ULK4: variants seen among roughly 807,000 people sequenced by gnomAD.
ULK4 encodes inactive serine/threonine-protein kinase ULK4.
ULK4 carries 133 observed loss-of-function variants against 160.6 expected under a neutral mutation model. The observed-to-expected ratio is 0.83, with a 90% CI of 0.72 to 0.96. ULK4 has a LOEUF of 0.96. Ranked by LOEUF, ULK4 falls within the 40% of genes least tolerant of loss-of-function variation. The probability of loss-of-function intolerance (pLI) is 0.00; values close to 1 mark genes in which losing one functional copy is unlikely to be tolerated. For missense variants in ULK4, 1,580 were observed against 1,499.5 expected, an observed-to-expected ratio of 1.05 and a Z score of -0.89; for synonymous variants, 534 against 539.8, an observed-to-expected ratio of 0.99 and a Z score of 0.15.
intron 35 of ULK4, among the ~76,000 whole-genome samples, chr3:41,385,581 G>A (rs575303367): frequency 7.9e-5 from 12 of 152,282 alleles, no homozygotes; most frequent in African/African-American, 2.9e-4. Flanking sequence ...ACAGCCACAT[G>A]TGCAAACAGA....
chr3:41,439,654 A>T (rs2083118363), intron 34 of ULK4, among the ~76,000 whole-genome samples: 1 of 152,220 alleles, frequency 6.6e-6, no homozygotes, highest in Non-Finnish European at 1.5e-5. Context: ...TCTTGAAATC[A>T]GAGTATTAGC....
chr3:41,945,570 C>A (rs1700087987), intron 2 of ULK4, among the ~76,000 whole-genome samples: 1 of 152,192 alleles, frequency 6.6e-6, no homozygotes, highest in Non-Finnish European at 1.5e-5. Flanking sequence ...CCTCAGTCCT[C>A]TTCTATCTTC....
At chr3:41,562,927 C>T (rs1055532541) in intron 32 of ULK4, among the ~76,000 whole-genome samples, 7 of 152,108 alleles carry the variant, frequency 4.6e-5, no homozygotes, top group Non-Finnish European at 7.3e-5. Context: ...TTATTTTGCT[C>T]GTTAATTGAT....
chr3:41,429,425 TTC>T (rs1283994240), intron 34 of ULK4, among the ~76,000 whole-genome samples: 1 of 152,192 alleles, frequency 6.6e-6, no homozygotes, highest in Non-Finnish European at 1.5e-5. Flanking sequence ...ATATAAATCA[TTC>T]TGTTACAAAG....
intron 32 of ULK4, among the ~76,000 whole-genome samples, chr3:41,519,975 G>A (rs1368680147): frequency 6.6e-6 from 1 of 152,110 alleles, no homozygotes; most frequent in Non-Finnish European, 1.5e-5. Flanking sequence ...TCTCTGCAAG[G>A]CTACCTCTCA....
At chr3:41,932,143 ATT>A in intron 4 of ULK4, 137 bp from the exon 5 acceptor site, 1 of 725,340 alleles carries the variant, frequency 1.4e-6, no homozygotes, top group Non-Finnish European at 2.0e-6. Flanking sequence ...AATGCTTATA[ATT>A]TTTTTAAAAG....
At chr3:41,452,499 A>G (rs192429848) in intron 34 of ULK4, among the ~76,000 whole-genome samples, 127 of 152,296 alleles carry the variant, frequency 8.3e-4, no homozygotes, top group Non-Finnish European at 1.6e-3. Context: ...AAGGAGTGTA[A>G]GCAAACCCAG....
intron 18 of ULK4, among the ~76,000 whole-genome samples, chr3:41,826,782 T>A (rs985451696): frequency 6.8e-6 from 1 of 147,562 alleles, no homozygotes; most frequent in African/African-American, 2.6e-5. Context: ...TATCCAGGAA[T>A]TGAACACAGC....
At chr3:41,753,894 C>T (rs1376745574) in intron 22 of ULK4, among the ~76,000 whole-genome samples, 2 of 152,088 alleles carry the variant, frequency 1.3e-5, no homozygotes, top group Non-Finnish European at 2.9e-5. Flanking sequence ...ACAACAATGG[C>T]AGAGGGTAAA....
intron 30 of ULK4, among the ~76,000 whole-genome samples, chr3:41,655,969 G>A (rs1239335261): frequency 6.6e-6 from 1 of 152,200 alleles, no homozygotes; most frequent in East Asian, 1.9e-4. Context: ...AAGCTATCTT[G>A]TGACTGGGGT....
At chr3:41,388,330 T>TTCAC (rs1434954194) in intron 35 of ULK4, among the ~76,000 whole-genome samples, 1 of 152,042 alleles carries the variant, frequency 6.6e-6, no homozygotes, top group Non-Finnish European at 1.5e-5. Context: ...AGGTTGCCTG[T>TTCAC]TCACTCTGAT....
At chr3:41,428,090 T>C (rs755219321) in intron 34 of ULK4, among the ~76,000 whole-genome samples, 1 of 152,104 alleles carries the variant, frequency 6.6e-6, no homozygotes, top group Non-Finnish European at 1.5e-5. Context: ...CAAAAGTCAA[T>C]ATGCAAAAAT....
intron 22 of ULK4, among the ~76,000 whole-genome samples, chr3:41,720,876 G>GTAT (rs1248278634): frequency 2.6e-5 from 4 of 152,014 alleles, no homozygotes; most frequent in African/African-American, 9.7e-5. Flanking sequence ...TAGGAACAAA[G>GTAT]TATTCAATAG....
chr3:41,581,415 T>C (rs1450229447), intron 31 of ULK4, among the ~76,000 whole-genome samples: 16 of 152,220 alleles, frequency 1.1e-4, no homozygotes, highest in Admixed American at 9.2e-4. Context: ...CTTGTATACA[T>C]TTAAAACACA....
chr3:41,656,372 C>T (rs2034936894), intron 30 of ULK4, among the ~76,000 whole-genome samples: 1 of 152,106 alleles, frequency 6.6e-6, no homozygotes, highest in Non-Finnish European at 1.5e-5. Flanking sequence ...CATACAGCTA[C>T]TTGGGTTAAA....
At chr3:41,626,827 A>G (rs535567456) in intron 30 of ULK4, among the ~76,000 whole-genome samples, 3 of 152,238 alleles carry the variant, frequency 2.0e-5, no homozygotes, top group Non-Finnish European at 4.4e-5. Context: ...TGCCTGGCCA[A>G]AAGTACACTT....
intron 34 of ULK4, among the ~76,000 whole-genome samples, chr3:41,450,167 C>T (rs1445142601): frequency 6.6e-6 from 1 of 151,966 alleles, no homozygotes; most frequent in African/African-American, 2.4e-5. Context: ...ACTTTGGCTT[C>T]TCATTTTCTT....
In ULK4 at chr3:41,708,380, A is replaced by G. The variant is rs1221755841; in HGVS notation, c.2635-3075T>C. Among the ~76,000 whole-genome samples the G allele has an allele frequency of 2.6e-5, 4 of 152,214 alleles. No individual in the cohort carries two copies. In the East Asian group the frequency reaches 5.8e-4, roughly 22 times the overall value. ...AGGAAATCCTGTCATTTGTGGCAAC[A>G]TGGATAAACCTAGAGAACATTATGT... On this transcript the variant is annotated intron_variant, in intron 25 of 36. Coordinates refer to ENST00000301831, the MANE Select transcript of ULK4 (RefSeq NM_017886.4).
At chr3:41,306,132 G>C (rs1356636422) in intron 35 of ULK4, among the ~76,000 whole-genome samples, 1 of 107,582 alleles carries the variant, frequency 9.3e-6, no homozygotes, top group Non-Finnish European at 1.9e-5. Flanking sequence ...GGGAGGTGGG[G>C]GGGGGGGGTC....
Sources: allele counts gnomAD v4.1 joint callset (sites outside exome capture counted in the v4.1 genomes callset), GRCh38; gene constraint gnomAD v4.1.1; transcripts MANE v1.5; gene names NCBI Gene and HGNC (gene_info 2026-07-23, HGNC 2026-07-21).